The following SCRN3 variants were observed in gnomAD, a reference collection of about 807,000 sequenced individuals.
SCRN3 encodes the protein secernin-3.
Under a neutral mutation model 43.1 loss-of-function variants are expected in SCRN3, and 39 were observed. The ratio of observed to expected loss-of-function variants is 0.91; its 90% CI spans 0.70 to 1.18. The LOEUF is 1.18. SCRN3 is among the 50% of genes most tolerant of loss of function. The probability of loss-of-function intolerance (pLI) is 0.00; values close to 1 mark genes in which losing one functional copy is unlikely to be tolerated. For missense variants in SCRN3, 484 were observed against 498.0 expected (o/e 0.97, Z 0.27); for synonymous variants, 147 against 163.1 (o/e 0.90, Z 0.75).
intron 5 of SCRN3, among the ~76,000 whole-genome samples, chr2:174,406,477 C>G (rs1217511552): frequency 7.0e-6 from 1 of 142,300 alleles, no homozygotes; most frequent in East Asian, 2.1e-4. Context: ...TTGCCCTGGC[C>G]AGAACTTCCA....
At chr2:174,415,934 T>C (rs1437847519) in intron 5 of SCRN3, among the ~76,000 whole-genome samples, 1 of 152,192 alleles carries the variant, frequency 6.6e-6, no homozygotes, top group Non-Finnish European at 1.5e-5. Context: ...TGCGAGCCAT[T>C]GTGCCTGGCT....
At chr2:174,415,416 A>G (rs918722515) in intron 5 of SCRN3, among the ~76,000 whole-genome samples, 1 of 152,084 alleles carries the variant, frequency 6.6e-6, no homozygotes, top group Admixed American at 6.6e-5. Flanking sequence ...AAAATTTGTA[A>G]TTGCTTTGTG....
At chr2:174,421,151 G>T (rs922255968) in intron 5 of SCRN3, among the ~76,000 whole-genome samples, 2 of 152,136 alleles carry the variant, frequency 1.3e-5, no homozygotes, top group African/African-American at 4.8e-5. Context: ...GGATTCTAAA[G>T]ATTGTAAAAT....
chr2:174,397,474 C>A, intron 1 of SCRN3: 1 of 725,746 alleles, frequency 1.4e-6, no homozygotes, highest in Non-Finnish European at 1.7e-6. Context: ...CTAGAAATAT[C>A]AGCAATTTGG....
chr2:174,411,914 C>T (rs1410766124), intron 5 of SCRN3, among the ~76,000 whole-genome samples: 1 of 151,952 alleles, frequency 6.6e-6, no homozygotes, highest in Non-Finnish European at 1.5e-5. Context: ...GAGCCAGGCT[C>T]TGTCTCAAAA....
intron 1 of SCRN3, among the ~76,000 whole-genome samples, chr2:174,397,884 C>T (rs1353203349): frequency 3.3e-5 from 5 of 152,162 alleles, no homozygotes; most frequent in Non-Finnish European, 2.9e-5. Context: ...GTTCTCATTG[C>T]CATTTTCTTA....
chr2:174,402,000 A>G (rs1341506403), intron 4 of SCRN3, among the ~76,000 whole-genome samples: 3 of 152,212 alleles, frequency 2.0e-5, no homozygotes, highest in Non-Finnish European at 4.4e-5. Flanking sequence ...GAGCTAGAGG[A>G]GTTCAGAAAG....
chr2:174,415,476 A>G (rs1360148538), intron 5 of SCRN3, among the ~76,000 whole-genome samples: 1 of 152,128 alleles, frequency 6.6e-6, no homozygotes, highest in Non-Finnish European at 1.5e-5. Flanking sequence ...GGTTATTACT[A>G]ACTCTTAAAA....
At chr2:174,398,491 T>C (rs1392859725) in intron 2 of SCRN3, 49 bp downstream of exon 2, 2 of 1,481,972 alleles carry the variant, frequency 1.3e-6, no homozygotes, top group Non-Finnish European at 1.8e-6. Context: ...AAAAATATCA[T>C]AAAGTTATTT....
intron 7 of SCRN3, among the ~76,000 whole-genome samples, chr2:174,425,388 T>C (rs1391236770): frequency 6.6e-6 from 1 of 152,174 alleles, no homozygotes; most frequent in Non-Finnish European, 1.5e-5. Flanking sequence ...GTTGACCCCC[T>C]GCAATGAAAG....
chr2:174,422,095 C>G (rs991799611), intron 5 of SCRN3, among the ~76,000 whole-genome samples: 4 of 152,072 alleles, frequency 2.6e-5, no homozygotes, highest in African/African-American at 9.7e-5. Context: ...AAATCCAAAT[C>G]ATCAGTAACT....
chr2:174,427,940 A>G lies in SCRN3; in HGVS notation c.*45A>G. 1.6e-5 allele frequency: 21 copies of G among 1,279,798 alleles called. No individual in the cohort carries two copies. Among genetic ancestry groups the G allele is most frequent in the Non-Finnish European group, 2.3e-5 (21 of 905,048 alleles). 79.3% of individuals were successfully genotyped at this position (1,279,798 alleles called of 1,614,324 possible). A position where few individuals can be genotyped will look rare whatever the true frequency, so the allele number is the denominator to read the frequency against. ...TATTAGTTCTTAGTGATCAGTGGTC[A>G]GTAATCTTCAAAGTCAGAATCTATC... On this transcript the variant is annotated 3_prime_UTR_variant, in exon 8 of 8. Coordinates refer to ENST00000272732, the MANE Select transcript of SCRN3 (RefSeq NM_024583.5).
intron 5 of SCRN3, among the ~76,000 whole-genome samples, chr2:174,411,645 G>T (rs1403870567): frequency 1.3e-5 from 2 of 152,078 alleles, no homozygotes; most frequent in Non-Finnish European, 2.9e-5. Flanking sequence ...AGAGTGGCTG[G>T]GTTCTGTGGC....
At chr2:174,429,987 G>A (rs1193327534), downstream of SCRN3, among the ~76,000 whole-genome samples, 4 of 152,056 alleles carry the variant, frequency 2.6e-5, no homozygotes, top group Non-Finnish European at 5.9e-5. Flanking sequence ...AGTAATATTC[G>A]ATTGTCTGAA....
At chr2:174,412,007 T>C (rs764643654) in intron 5 of SCRN3, among the ~76,000 whole-genome samples, 39 of 152,186 alleles carry the variant, frequency 2.6e-4, no homozygotes, top group Admixed American at 3.3e-4. Flanking sequence ...GCGGGTAAGA[T>C]GGAATAAGTA....
At chr2:174,425,828 A>C (rs1202356856) in intron 7 of SCRN3, among the ~76,000 whole-genome samples, 3 of 152,176 alleles carry the variant, frequency 2.0e-5, no homozygotes, top group Non-Finnish European at 4.4e-5. Context: ...CTCTGTAAAT[A>C]ACTACTTTTG....
Position 174,404,318 on chromosome 2 carries a change from A to C in SCRN3, c.754+3A>C, listed in dbSNP as rs745402427. The C allele has an allele frequency of 6.3e-7, 1 of 1,595,952 alleles. No individual in the cohort carries two copies. The highest frequency in any genetic ancestry group is 1.3e-5 in the African/African-American group (1 of 74,454). On this transcript the variant is annotated splice_donor_region_variant and intron_variant, in intron 5 of 7. Coordinates refer to ENST00000272732, the MANE Select transcript of SCRN3 (RefSeq NM_024583.5). ...CAAGCTTCTAAATAAGCACAAAGGT[A>C]ATTTTATCATATAAATAATATTAGG...
intron 5 of SCRN3, among the ~76,000 whole-genome samples, chr2:174,421,613 G>C (rs913963428): frequency 1.3e-5 from 2 of 152,140 alleles, no homozygotes; most frequent in African/African-American, 4.8e-5. Context: ...TCCTTAGATG[G>C]CATGGCAGCC....
At chr2:174,401,963 T>C (rs1177544540) in intron 4 of SCRN3, among the ~76,000 whole-genome samples, 4 of 152,192 alleles carry the variant, frequency 2.6e-5, no homozygotes, top group African/African-American at 4.8e-5. Context: ...GATTTGAACA[T>C]TTAGAGAACA....
Sources: gnomAD v4.1 joint callset for allele counts (sites outside exome capture counted in the v4.1 genomes callset) on GRCh38, gnomAD v4.1.1 for gene constraint, MANE v1.5 for transcripts, NCBI Gene and HGNC (gene_info 2026-07-23, HGNC 2026-07-21) for gene names.